Variants in CRTC1 observed in about 807,000 individuals in gnomAD.
CRTC1 encodes the protein CREB-regulated transcription coactivator 1.
CRTC1 carries 18 observed loss-of-function variants against 66.1 expected under a neutral mutation model. The ratio of observed to expected loss-of-function variants is 0.27; its 90% CI spans 0.19 to 0.40. CRTC1 has a LOEUF of 0.40. Among genes scored for constraint, CRTC1 ranks in the 10% least tolerant of loss-of-function variants. The probability of loss-of-function intolerance (pLI) is 1.00; values close to 1 mark genes in which losing one functional copy is unlikely to be tolerated. For missense variants in CRTC1, 669 were observed against 887.9 expected (o/e 0.75, Z 3.13); for synonymous variants, 416 against 398.8 (o/e 1.04, Z -0.51).
intron 1 of CRTC1, among the ~76,000 whole-genome samples, chr19:18,718,955 A>C (rs970370582): frequency 6.6e-6 from 1 of 152,194 alleles, no homozygotes; most frequent in African/African-American, 2.4e-5. Flanking sequence ...TGAATGAATA[A>C]AGAGAAGAAA....
chr19:18,776,899 C>T (rs2055001448), intron 13 of CRTC1, among the ~76,000 whole-genome samples: 1 of 152,176 alleles, frequency 6.6e-6, no homozygotes. Flanking sequence ...ATCAGTGACA[C>T]AGCCCTTGGC....
At chr19:18,691,291 C>T (rs546500564) in intron 1 of CRTC1, among the ~76,000 whole-genome samples, 90 of 151,480 alleles carry the variant, frequency 5.9e-4, no homozygotes, top group Non-Finnish European at 9.3e-4. Context: ...TGAGATGGGA[C>T]GATAACTTGA....
chr19:18,759,971 T>A, intron 7 of CRTC1, 37 bp from the exon 8 acceptor site: 15 of 1,061,014 alleles, frequency 1.4e-5, no homozygotes, highest in African/African-American at 2.9e-5. Flanking sequence ...CCCCGCCCCA[T>A]GAGCTCACCT....
At chr19:18,700,910 T>A (rs1248715179) in intron 1 of CRTC1, among the ~76,000 whole-genome samples, 1 of 152,220 alleles carries the variant, frequency 6.6e-6, no homozygotes, top group Admixed American at 6.5e-5. Flanking sequence ...GTTACACCAT[T>A]GAGTCCTTTC....
intron 1 of CRTC1, among the ~76,000 whole-genome samples, chr19:18,737,293 G>T (rs1016938906): frequency 2.0e-5 from 3 of 151,932 alleles, no homozygotes; most frequent in Non-Finnish European, 1.5e-5. Context: ...GGGTCCCGGC[G>T]CAGGCTGTAT....
At chr19:18,710,457 G>C (rs2053364825) in intron 1 of CRTC1, among the ~76,000 whole-genome samples, 1 of 150,918 alleles carries the variant, frequency 6.6e-6, no homozygotes, top group Admixed American at 6.6e-5. Context: ...GCTGCTGGAG[G>C]GGGTGGGAGC....
intron 2 of CRTC1, among the ~76,000 whole-genome samples, chr19:18,743,650 CTG>C (rs1194484963): frequency 6.6e-6 from 1 of 152,108 alleles, no homozygotes; most frequent in African/African-American, 2.4e-5. Context: ...CACACCTACT[CTG>C]TGGCTGAGAA....
intron 9 of CRTC1, among the ~76,000 whole-genome samples, chr19:18,766,430 C>T (rs1039991910): frequency 4.0e-5 from 6 of 151,032 alleles, no homozygotes; most frequent in African/African-American, 1.2e-4. Context: ...TGAGCCACCG[C>T]GCCTGACCGT....
intron 1 of CRTC1, among the ~76,000 whole-genome samples, chr19:18,731,719 C>T (rs952176038): frequency 6.6e-6 from 1 of 152,176 alleles, no homozygotes; most frequent in Non-Finnish European, 1.5e-5. Flanking sequence ...TGAACCCCAC[C>T]GAGCAGGCAC....
Position 18,771,981 on chromosome 19 carries a change from T to C in CRTC1, c.1425+435T>C, listed in dbSNP as rs1461242924. Among the ~76,000 whole-genome samples the C allele has an allele frequency of 2.0e-5, 3 of 152,164 alleles. No individual in the cohort carries two copies. The highest frequency in any genetic ancestry group is 4.4e-5 in the Non-Finnish European group (3 of 68,020). On this transcript the variant is annotated intron_variant, in intron 11 of 13. Transcript: ENST00000321949. The surrounding 1 kb of genome is among the most constrained non-coding windows in gnomAD (Gnocchi z 4.6). ...AAGGCGCTGACTCTGCAGCCCTGCT[T>C]TCCCCTTCACCCCATAGGCAGCTGT...
rs958348019 is a variant in CRTC1, at chr19:18,726,874, C to G, written c.127-16036C>G. ...CCAGGAGGTGGAGGTTGCAGCGAGC[C>G]GAGATCGTGCCACTGCATTCCAGCC... is the stretch of plus-strand genomic sequence containing the variant. On this transcript the variant is annotated intron_variant, in intron 1 of 13. Transcript: ENST00000321949. Among the ~76,000 whole-genome samples, 4 of 146,540 alleles carry G rather than the reference C, an allele frequency of 2.7e-5. No homozygotes were observed. In the Admixed American group the frequency reaches 2.8e-4, roughly 10 times the overall value.
chr19:18,770,655 GTGTGTGCA>G (rs774789797), intron 10 of CRTC1, among the ~76,000 whole-genome samples: 1 of 152,172 alleles, frequency 6.6e-6, no homozygotes, highest in African/African-American at 2.4e-5. Flanking sequence ...GCATGTGAAT[GTGTGTGCA>G]TGTGTGCATG....
At chr19:18,750,988 A>G (rs1273829170) in intron 5 of CRTC1, among the ~76,000 whole-genome samples, 1 of 152,124 alleles carries the variant, frequency 6.6e-6, no homozygotes, top group East Asian at 1.9e-4. Flanking sequence ...GGAACACTGT[A>G]ACCTGGGAAA....
intron 1 of CRTC1, among the ~76,000 whole-genome samples, chr19:18,698,591 A>G (rs1275963951): frequency 6.8e-6 from 1 of 146,816 alleles, no homozygotes; most frequent in Non-Finnish European, 1.5e-5. Context: ...CACAGTGTAT[A>G]CTCACCGGGC....
At chr19:18,698,846 T>C (rs1029939751) in intron 1 of CRTC1, among the ~76,000 whole-genome samples, 32 of 149,452 alleles carry the variant, frequency 2.1e-4, no homozygotes, top group Admixed American at 7.3e-4. Flanking sequence ...CAGTGTGTAT[T>C]TGGTTGCTGA....
At chr19:18,748,735 A>C (rs968550281) in intron 4 of CRTC1, among the ~76,000 whole-genome samples, 2 of 151,190 alleles carry the variant, frequency 1.3e-5, no homozygotes, top group African/African-American at 4.9e-5. Flanking sequence ...ACATACATAC[A>C]CACGCACACA....
At chr19:18,694,880 C>A (rs2052946526) in intron 1 of CRTC1, among the ~76,000 whole-genome samples, 2 of 151,370 alleles carry the variant, frequency 1.3e-5, no homozygotes, top group Non-Finnish European at 2.9e-5. Context: ...AGTTCTCCCA[C>A]TTTCAGCGAC....
intron 5 of CRTC1, among the ~76,000 whole-genome samples, chr19:18,750,429 G>T (rs995896954): frequency 6.6e-6 from 1 of 152,226 alleles, no homozygotes; most frequent in Admixed American, 6.5e-5. Flanking sequence ...CACCCCTGTG[G>T]CGGGGACAGA....
chr19:18,752,170 AAAG>A (rs1196346528), intron 5 of CRTC1, among the ~76,000 whole-genome samples: 1 of 150,840 alleles, frequency 6.6e-6, no homozygotes, highest in Admixed American at 6.6e-5. Context: ...AAAAAGAAAG[AAAG>A]AAAAATATAC....
Sources: allele counts gnomAD v4.1 joint callset (sites outside exome capture counted in the v4.1 genomes callset), GRCh38; gene constraint gnomAD v4.1.1; non-coding constraint Gnocchi (gnomAD v3.1); transcripts MANE v1.5; gene names NCBI Gene and HGNC (gene_info 2026-07-23, HGNC 2026-07-21).